Variants in BTBD19 observed in about 807,000 individuals in gnomAD.
BTBD19 encodes BTB/POZ domain-containing protein 19.
In BTBD19, 20 loss-of-function variants were observed where a neutral mutation model predicts 36.1. The ratio of observed to expected loss-of-function variants is 0.55; its 90% CI spans 0.39 to 0.80. BTBD19 has a LOEUF of 0.80. Ranked by LOEUF, BTBD19 falls within the 30% of genes least tolerant of loss-of-function variation. The pLI is 0.00. For missense variants in BTBD19, 325 were observed against 389.8 expected (o/e 0.83, Z 1.40); for synonymous variants, 157 against 174.3 (o/e 0.90, Z 0.78).
At chr1:44,809,740 C>T (rs1264078072) in intron 1 of BTBD19, among the ~76,000 whole-genome samples, 6 of 152,172 alleles carry the variant, frequency 3.9e-5, no homozygotes, top group East Asian at 3.9e-4. Flanking sequence ...TGTTTGCAGT[C>T]GTTGTGCACT....
chr1:44,813,359 G>C lies in BTBD19; in HGVS notation c.616-15G>C. On this transcript the variant is annotated splice_polypyrimidine_tract_variant and intron_variant, in intron 6 of 7. Transcript: ENST00000450269. The surrounding 1 kb of genome is among the most constrained non-coding windows in gnomAD (Gnocchi z 7.8). Reference sequence around the variant, plus strand: ...GCGGCAGGACAGGTGCCCGACTCAGGGCTGGCGTTTGCAGGCGGTGCTGGA... The same window carrying C: ...GCGGCAGGACAGGTGCCCGACTCAGCGCTGGCGTTTGCAGGCGGTGCTGGA... The C allele has an allele frequency of 6.5e-7, 1 of 1,544,902 alleles. No individual in the cohort carries two copies. The highest frequency in any genetic ancestry group is 8.7e-7 in the Non-Finnish European group (1 of 1,146,584).
Position 44,812,381 on chromosome 1 carries a change from TG to T in BTBD19, c.414+287del, listed in dbSNP as rs1652457156. On this transcript the variant is annotated intron_variant, in intron 4 of 7. Transcript: ENST00000450269. ...CTGGGGAATGGTTCTCAGCTTGACT[TG>T]GGGTAGGGAAAGGGTGGCTGTAGAC... The T allele has an allele frequency of 2.6e-5, 12 of 455,508 alleles. 1 individual carries two copies. The highest frequency in any genetic ancestry group is 1.4e-4 in the South Asian group (9 of 64,502). The allele number at this position is 455,508 out of a possible 1,614,324, so 28.2% of individuals were successfully genotyped here.
chr1:44,812,893 C>G, intron 4 of BTBD19, 103 bp from the exon 5 acceptor site: 1 of 1,144,594 alleles, frequency 8.7e-7, no homozygotes, highest in Non-Finnish European at 1.2e-6. Context: ...TGTCAGCCTC[C>G]CCAGCTAGGG....
In BTBD19 at chr1:44,810,947, C is replaced by T. The variant is rs900362751; in HGVS notation, c.354+340C>T. Among the ~76,000 whole-genome samples the T allele has an allele frequency of 1.3e-5, 2 of 152,204 alleles. No individual in the cohort carries two copies. Among genetic ancestry groups the T allele is most frequent in the African/African-American group, 4.8e-5 (2 of 41,520 alleles). On this transcript the variant is annotated intron_variant, in intron 3 of 7. Coordinates refer to ENST00000450269, the Ensembl canonical transcript of BTBD19. This position sits in a 1 kb window ranked among gnomAD's most constrained non-coding sequence, Gnocchi z 4.2. ...TAAGAAGTGTGATAGAGGCCGGGCG[C>T]AGTGGCTCACGCCTGTAATCCCAGC...
In BTBD19 at chr1:44,813,858, A is replaced by G. The variant is rs1327016711; in HGVS notation, c.*86A>G. On this transcript the variant is annotated 3_prime_UTR_variant, in exon 8 of 8. Transcript: ENST00000450269. The surrounding 1 kb of genome is among the most constrained non-coding windows in gnomAD (Gnocchi z 7.8). ...AGCTCCCGAAGTGCTCGGCGTTCGG[A>G]GCGGGCTTCCGTTCCCAGCGTGCCC... 6.6e-7 allele frequency: 1 copy of G among 1,522,696 alleles called. No homozygotes were observed. Among genetic ancestry groups the G allele is most frequent in the East Asian group, 2.5e-5 (1 of 40,592 alleles). The allele number at this position is 1,522,696 out of a possible 1,614,324, so 94.3% of individuals were successfully genotyped here.
intron 1 of BTBD19, among the ~76,000 whole-genome samples, chr1:44,809,474 C>T (rs1246860164): frequency 6.6e-6 from 1 of 152,196 alleles, no homozygotes; most frequent in Non-Finnish European, 1.5e-5. Flanking sequence ...ATGAAGTTCT[C>T]TGTCCTCATG....
chr1:44,810,501 G>A lies in BTBD19; in HGVS notation c.301-53G>A. ...GGCAGGAGTTTGCCCATTACACTGTGGGCACAGGGCAGGGGAAACTCCCTT... is the reference window on the plus strand; with the variant it reads ...GGCAGGAGTTTGCCCATTACACTGTAGGCACAGGGCAGGGGAAACTCCCTT... On this transcript the variant is annotated intron_variant, in intron 2 of 7. Coordinates refer to ENST00000450269, the Ensembl canonical transcript of BTBD19. The surrounding 1 kb of genome is among the most constrained non-coding windows in gnomAD (Gnocchi z 4.2). 1 of 1,550,654 alleles carries A rather than the reference G, an allele frequency of 6.4e-7. No homozygotes were observed. Among genetic ancestry groups the A allele is most frequent in the South Asian group, 1.2e-5 (1 of 83,532 alleles).
chr1:44,813,007 C>A lies in BTBD19; in HGVS notation c.426C>A (p.Thr142=). ...CATTCTGCTCGCAGGTGGCCGTAAC[C>A]TTTGGCCTGGGGCAGCTGCAGGAGC... is the stretch of plus-strand genomic sequence containing the variant. Residue 142 remains threonine, a synonymous_variant, in exon 5 of 8, where the codon ACC becomes ACA. Coordinates refer to ENST00000450269, the Ensembl canonical transcript of BTBD19. This position sits in a 1 kb window ranked among gnomAD's most constrained non-coding sequence, Gnocchi z 7.8. The A allele has an allele frequency of 6.4e-7, 1 of 1,551,220 alleles. No homozygotes were observed. The highest frequency in any genetic ancestry group is 8.7e-7 in the Non-Finnish European group (1 of 1,146,696).
downstream of BTBD19, chr1:44,814,217 TTTCTTTCTCTTTCC>T (rs1652615567): frequency 7.7e-6 from 1 of 129,194 alleles, no homozygotes; most frequent in African/African-American, 3.6e-5. Flanking sequence ...TTTCTTTTTC[TTTCTTTCTCTTTCC>T]TTCCTTCCTT....
chr1:44,810,234 T>C lies in BTBD19; in HGVS notation c.108T>C (p.Gly36=), dbSNP rs145485399. The C allele has an allele frequency of 1.2e-5, 19 of 1,552,050 alleles. No homozygotes were observed. The East Asian group carries it at 4.6e-4, about 38-fold the overall frequency. The change falls in exon 2 of 8, where the codon GGT becomes GGC. Residue 36 remains glycine, a synonymous_variant. Transcript: ENST00000450269. This position sits in a 1 kb window ranked among gnomAD's most constrained non-coding sequence, Gnocchi z 4.2. ...ACAGTGATGTTTGCTTCGTGGTTGGTCAAGAACGGCAGGAGGTATTTGCCC... is the reference window on the plus strand; with the variant it reads ...ACAGTGATGTTTGCTTCGTGGTTGGCCAAGAACGGCAGGAGGTATTTGCCC...
downstream of BTBD19, chr1:44,814,387 T>TC (rs1487791713): frequency 6.6e-6 from 1 of 151,894 alleles, no homozygotes; most frequent in Non-Finnish European, 1.5e-5. Flanking sequence ...AAGCTCCGCC[T>TC]CCCGGGTTCA....
rs532714371 is a variant in BTBD19, at chr1:44,813,777, A to G, written c.*5A>G. 1.9e-6 allele frequency: 3 copies of G among 1,551,312 alleles called. No individual in the cohort carries two copies. The highest frequency in any genetic ancestry group is 2.7e-5 in the African/African-American group (2 of 73,144). ...CTGGACCTGTCCTTCAAATGATCCA[A>G]CGCCGGGACTCGCAGGGAGCCCTCG... On this transcript the variant is annotated 3_prime_UTR_variant, in exon 8 of 8. Coordinates refer to ENST00000450269, the Ensembl canonical transcript of BTBD19. This position sits in a 1 kb window ranked among gnomAD's most constrained non-coding sequence, Gnocchi z 7.8.
intron 4 of BTBD19, chr1:44,812,453 T>G (rs904780862): frequency 2.2e-6 from 1 of 454,612 alleles, no homozygotes; most frequent in African/African-American, 2.0e-5. Flanking sequence ...CACCTGTAAT[T>G]TCAGCACTTT....
At chr1:44,811,258 C>T (rs918886870) in intron 3 of BTBD19, among the ~76,000 whole-genome samples, 5 of 149,478 alleles carry the variant, frequency 3.3e-5, no homozygotes, top group Non-Finnish European at 7.4e-5. Context: ...GATAGAGAAG[C>T]GTGAATGGTG....
Position 44,810,206 on chromosome 1 carries a change from C to G in BTBD19, c.87-7C>G. The G allele has an allele frequency of 6.4e-7, 1 of 1,550,408 alleles. No homozygotes were observed. Among genetic ancestry groups the G allele is most frequent in the Admixed American group, 2.0e-5 (1 of 51,006 alleles). ...CTCCCCGCTGCCTCTCTGCCTGTCT[C>G]CCACAGTGATGTTTGCTTCGTGGTT... On this transcript the variant is annotated splice_region_variant and splice_polypyrimidine_tract_variant and intron_variant, in intron 1 of 7. Coordinates refer to ENST00000450269, the Ensembl canonical transcript of BTBD19. This position sits in a 1 kb window ranked among gnomAD's most constrained non-coding sequence, Gnocchi z 4.2.
At position 44,813,744 on chromosome 1, in the gene BTBD19, A is replaced by G; in HGVS notation, c.848A>G (p.His283Arg). The stretch of plus-strand genomic sequence containing the variant: ...AGAGGCACCCTGCCCCGGGAGCATC[A>G]CCGCTTTCTGGACCTGTCCTTCAAA... The change falls in exon 8 of 8, where the codon CAC (histidine) becomes CGC (arginine). Residue 283 changes from histidine (H) to arginine (R), a missense_variant. Transcript: ENST00000450269. This position sits in a 1 kb window ranked among gnomAD's most constrained non-coding sequence, Gnocchi z 7.8. The G allele has an allele frequency of 6.4e-7, 1 of 1,551,198 alleles. No homozygotes were observed. The highest frequency in any genetic ancestry group is 8.7e-7 in the Non-Finnish European group (1 of 1,146,788).
At chr1:44,811,818 AC>A in intron 3 of BTBD19, 1 of 349,920 alleles carries the variant, frequency 2.9e-6, no homozygotes, top group Non-Finnish European at 5.8e-6. Flanking sequence ...TGGCGAATGT[AC>A]TAGAAGGTGG....
chr1:44,814,162 C>CTT (rs879623850), downstream of BTBD19: 1 of 130,974 alleles, frequency 7.6e-6, no homozygotes, highest in Non-Finnish European at 1.5e-5. Context: ...TTCTTTCTTT[C>CTT]TTTCTTTCTT....
intron 4 of BTBD19, 143 bp downstream of exon 4, chr1:44,812,241 T>G (rs1652451147): frequency 5.4e-6 from 3 of 556,994 alleles, no homozygotes; most frequent in Admixed American, 4.8e-5. Flanking sequence ...CAAGGATGTT[T>G]ATAGGATGAA....
Sources: gnomAD v4.1 joint callset for allele counts (sites outside exome capture counted in the v4.1 genomes callset) on GRCh38, gnomAD v4.1.1 for gene constraint, Gnocchi (gnomAD v3.1) non-coding constraint, MANE v1.5 for transcripts, NCBI Gene and HGNC (gene_info 2026-07-23, HGNC 2026-07-21) for gene names.